Variants in ASIC2 observed in about 807,000 individuals in gnomAD.
The protein encoded by ASIC2 is acid-sensing ion channel 2.
In ASIC2, 25 loss-of-function variants were observed where a neutral mutation model predicts 57.3. That is an observed-to-expected ratio of 0.44 (90% CI 0.32 to 0.61). The LOEUF (loss-of-function observed/expected upper bound fraction) is 0.61. Ranked by LOEUF, ASIC2 falls within the 20% of genes least tolerant of loss-of-function variation. The pLI is 0.06. For synonymous variants in ASIC2, 319 were observed against 307.5 expected (o/e 1.04, Z -0.39); for missense variants, 641 against 738.1 (o/e 0.87, Z 1.52).
intron 1 of ASIC2, among the ~76,000 whole-genome samples, chr17:33,511,974 C>T (rs911206667): frequency 6.6e-6 from 1 of 152,156 alleles, no homozygotes. Context: ...GATACCCTCA[C>T]CTAGGGCTGC....
chr17:33,371,600 G>A (rs1440858372), intron 1 of ASIC2, among the ~76,000 whole-genome samples: 2 of 152,164 alleles, frequency 1.3e-5, no homozygotes, highest in Non-Finnish European at 2.9e-5. Flanking sequence ...CCCTTCACCT[G>A]TGGGATGGAC....
At chr17:33,988,401 A>G (rs765430287) in intron 1 of ASIC2, among the ~76,000 whole-genome samples, 1 of 152,136 alleles carries the variant, frequency 6.6e-6, no homozygotes, top group Non-Finnish European at 1.5e-5. Flanking sequence ...CCCCTGCACA[A>G]GCTCTCTCTT....
At chr17:33,681,516 A>C (rs1029885824) in intron 1 of ASIC2, among the ~76,000 whole-genome samples, 2 of 152,154 alleles carry the variant, frequency 1.3e-5, no homozygotes, top group African/African-American at 2.4e-5. Context: ...ATGAGACTTG[A>C]AAGAAACTCT....
Position 33,087,540 on chromosome 17 carries a change from A to G in ASIC2, c.987+1323T>C, listed in dbSNP as rs561251468. ...CATCAACACTTTCCCAGAGAGTAAA[A>G]AACAATATAGCTCACGTATAGATTT... On this transcript the variant is annotated intron_variant, in intron 3 of 9. Transcript: ENST00000225823. Among the ~76,000 whole-genome samples, 5 of 151,904 alleles carry G rather than the reference A, an allele frequency of 3.3e-5. No individual in the cohort carries two copies. The East Asian group carries it at 9.7e-4, about 29-fold the overall frequency.
chr17:33,596,927 A>C (rs145106283), intron 1 of ASIC2, among the ~76,000 whole-genome samples: 203 of 152,364 alleles, frequency 1.3e-3, no homozygotes, highest in African/African-American at 4.7e-3. Flanking sequence ...GCACAAAGTC[A>C]AACAGCTCAT....
At chr17:34,094,347 G>A (rs1353226349) in intron 1 of ASIC2, among the ~76,000 whole-genome samples, 1 of 152,138 alleles carries the variant, frequency 6.6e-6, no homozygotes, top group Admixed American at 6.5e-5. Flanking sequence ...GCCTCATATG[G>A]CAATTTCTAA....
chr17:33,062,548 C>A (rs971032638), intron 3 of ASIC2, among the ~76,000 whole-genome samples: 1 of 152,178 alleles, frequency 6.6e-6, no homozygotes, highest in Non-Finnish European at 1.5e-5. Context: ...AATTTCTGTT[C>A]TTTTACACTT....
In ASIC2 at chr17:33,599,012, C is replaced by T. The variant is rs1006378763; in HGVS notation, c.556-486945G>A. Among the ~76,000 whole-genome samples the T allele has an allele frequency of 7.2e-5, 11 of 152,172 alleles. No homozygotes were observed. The South Asian group carries it at 1.2e-3, about 17-fold the overall frequency. On this transcript the variant is annotated intron_variant, in intron 1 of 9. Coordinates refer to the ASIC2 transcript ENST00000359872. ...ACCTTACGCAATCAACAAAGGGCTG[C>T]GCCTGTATGCACACATATGCCCATC...
chr17:33,046,001 A>ACTCAT (rs1346494059), intron 3 of ASIC2, among the ~76,000 whole-genome samples: 1 of 152,198 alleles, frequency 6.6e-6, no homozygotes, highest in Non-Finnish European at 1.5e-5. Context: ...CATATGGACT[A>ACTCAT]AGGTGTGAAT....
intron 3 of ASIC2, chr17:33,052,370 A>G (rs2091980340): frequency 6.6e-6 from 1 of 152,230 alleles, no homozygotes; most frequent in Non-Finnish European, 1.5e-5. Context: ...GAGTTGCCCA[A>G]TCAGCTTATA....
intron 1 of ASIC2, among the ~76,000 whole-genome samples, chr17:33,653,699 T>C (rs1182512122): frequency 3.3e-5 from 5 of 152,218 alleles, no homozygotes; most frequent in African/African-American, 1.2e-4. Context: ...GCCACCTTCC[T>C]GGTCTTTTAA....
At chr17:33,419,104 T>TA (rs1169062902) in intron 1 of ASIC2, among the ~76,000 whole-genome samples, 1 of 152,102 alleles carries the variant, frequency 6.6e-6, no homozygotes, top group Non-Finnish European at 1.5e-5. Context: ...AGTATGGTAA[T>TA]AAAAAAGAAT....
chr17:33,508,285 A>C (rs1017842687), intron 1 of ASIC2, among the ~76,000 whole-genome samples: 1 of 152,172 alleles, frequency 6.6e-6, no homozygotes, highest in Non-Finnish European at 1.5e-5. Flanking sequence ...AAAGATGAGT[A>C]CAACAAGAGC....
intron 1 of ASIC2, among the ~76,000 whole-genome samples, chr17:34,130,591 C>G (rs1414682597): frequency 6.6e-6 from 1 of 152,206 alleles, no homozygotes; most frequent in East Asian, 1.9e-4. Context: ...AGCTTCAATG[C>G]CCACACCTTT....
chr17:33,525,380 C>A (rs1914858032), intron 1 of ASIC2, among the ~76,000 whole-genome samples: 1 of 152,166 alleles, frequency 6.6e-6, no homozygotes, highest in African/African-American at 2.4e-5. Flanking sequence ...CACTCCACCA[C>A]CCCTTGGAAA....
At chr17:33,210,545 T>C (rs1247851549) in intron 1 of ASIC2, among the ~76,000 whole-genome samples, 1 of 152,130 alleles carries the variant, frequency 6.6e-6, no homozygotes, top group African/African-American at 2.4e-5. Flanking sequence ...CCCATATGGG[T>C]GAGACTGGAG....
At chr17:34,130,870 C>G (rs541738259) in intron 1 of ASIC2, among the ~76,000 whole-genome samples, 1 of 152,342 alleles carries the variant, frequency 6.6e-6, no homozygotes, top group East Asian at 1.9e-4. Context: ...TATACGGCCA[C>G]TCTGATGCCT....
At chr17:33,365,503 A>G (rs1567837087) in intron 1 of ASIC2, among the ~76,000 whole-genome samples, 1 of 152,156 alleles carries the variant, frequency 6.6e-6, no homozygotes, top group Non-Finnish European at 1.5e-5. Context: ...ATCAAGTTAT[A>G]GGGAGTTGTC....
chr17:33,393,195 C>T (rs1442789935), intron 1 of ASIC2, among the ~76,000 whole-genome samples: 1 of 152,148 alleles, frequency 6.6e-6, no homozygotes, highest in South Asian at 2.1e-4. Flanking sequence ...TAAAATAAAG[C>T]CCAAGCTCCT....
Sources: allele counts gnomAD v4.1 joint callset (sites outside exome capture counted in the v4.1 genomes callset), GRCh38; gene constraint gnomAD v4.1.1; transcripts MANE v1.5; gene names NCBI Gene and HGNC (gene_info 2026-07-23, HGNC 2026-07-21).